Variants in MBIP observed in about 807,000 individuals in gnomAD.
The protein encoded by MBIP is MAP3K12 binding inhibitory protein 1, also known as MAP3K12-binding inhibitory protein 1.
Under a neutral mutation model 45.7 loss-of-function variants are expected in MBIP, and 32 were observed. The ratio of observed to expected loss-of-function variants is 0.70; its 90% CI spans 0.53 to 0.94. MBIP has a LOEUF of 0.94. Among genes scored for constraint, MBIP ranks in the 40% least tolerant of loss-of-function variants. MBIP has a pLI of 0.00. For synonymous variants in MBIP, 145 were observed against 141.0 expected, an observed-to-expected ratio of 1.03 and a Z score of -0.20; for missense variants, 381 against 405.5, an observed-to-expected ratio of 0.94 and a Z score of 0.52.
rs768498460 is a variant in MBIP, at chr14:36,309,435, G to A, written c.791-1246C>T. 5.3e-5 allele frequency among the ~76,000 whole-genome samples: 8 copies of A among 152,174 alleles called. No individual in the cohort carries two copies. The South Asian group carries it at 1.2e-3, about 24-fold the overall frequency. ...CACTGCACAAACCTAGGAAGCATCA[G>A]TTCATAAGACTACAATGCATGGCAA... On this transcript the variant is annotated intron_variant, in intron 6 of 8. Coordinates refer to ENST00000416007, the MANE Select transcript of MBIP (RefSeq NM_016586.3).
intron 7 of MBIP, among the ~76,000 whole-genome samples, chr14:36,301,324 C>G (rs1339397430): frequency 2.0e-5 from 3 of 152,196 alleles, no homozygotes; most frequent in South Asian, 2.1e-4. Flanking sequence ...TCCACTACTT[C>G]TCTGTGTGGC....
rs1259580669 is a variant in MBIP, at chr14:36,298,677, G to C, written c.*406C>G. 1 of 154,562 alleles carries C rather than the reference G, an allele frequency of 6.5e-6. No individual in the cohort carries two copies. Among genetic ancestry groups the C allele is most frequent in the East Asian group, 1.9e-4 (1 of 5,254 alleles). The allele number at this position is 154,562 out of a possible 1,614,324, so 9.6% of individuals were successfully genotyped here. On this transcript the variant is annotated 3_prime_UTR_variant, in exon 9 of 9. Transcript: ENST00000416007. Reference sequence around the variant, plus strand: ...TTCAGTCAATAAATTTTTGTTGAATGCTTATTATATGCAAAGTACTGATTT... The same window carrying C: ...TTCAGTCAATAAATTTTTGTTGAATCCTTATTATATGCAAAGTACTGATTT...
At chr14:36,307,951 C>A in intron 7 of MBIP, 141 bp downstream of exon 7, 1 of 483,654 alleles carries the variant, frequency 2.1e-6, no homozygotes, top group Non-Finnish European at 3.6e-6. Context: ...TTAGATATAT[C>A]CCCTATACAG....
intron 4 of MBIP, 106 bp from the exon 5 acceptor site, chr14:36,312,130 A>T (rs1252675496): frequency 9.2e-6 from 5 of 545,482 alleles, no homozygotes; most frequent in Non-Finnish European, 1.5e-5. Context: ...ACTCATAATA[A>T]TTTTAATAAA....
chr14:36,317,840 T>C (rs1449328366), intron 1 of MBIP, among the ~76,000 whole-genome samples: 4 of 152,054 alleles, frequency 2.6e-5, no homozygotes, highest in Non-Finnish European at 4.4e-5. Context: ...ATACAGATTT[T>C]ATGAGTCACA....
chr14:36,314,503 G>A lies in MBIP; in HGVS notation c.571+9C>T, dbSNP rs1880424444. 6.4e-7 allele frequency: 1 copy of A among 1,564,206 alleles called. No individual in the cohort carries two copies. Among genetic ancestry groups the A allele is most frequent in the Non-Finnish European group, 8.7e-7 (1 of 1,147,372 alleles). On this transcript the variant is annotated intron_variant, in intron 4 of 8. Coordinates refer to ENST00000416007, the MANE Select transcript of MBIP (RefSeq NM_016586.3). ...AAAACCCTATGAAAATTAATTTCCA[G>A]GTAGTTACCTTGATTACAATCAATA...
rs775546253 is a variant in MBIP, at chr14:36,314,562, AT to A, written c.520del (p.Ile174SerfsTer38). 128 of 1,610,904 alleles carry A rather than the reference AT, an allele frequency of 7.9e-5. No individual in the cohort carries two copies. Among genetic ancestry groups the A allele is most frequent in the Non-Finnish European group, 1.0e-4 (123 of 1,178,992 alleles). ...AAATTCCCTGACGTTGTTTTCATTG[AT>A]TTCAGCTTGCTTTCTTTCAATAAAT... ...SAFIERKQAE[I>X]NENNVREFCN... On this transcript the variant is annotated frameshift_variant, in exon 4 of 9. Coordinates refer to ENST00000416007, the MANE Select transcript of MBIP (RefSeq NM_016586.3). LOFTEE classifies it high-confidence loss of function.
intron 2 of MBIP, among the ~76,000 whole-genome samples, chr14:36,315,634 A>G (rs1395392455): frequency 1.3e-5 from 2 of 151,956 alleles, no homozygotes; most frequent in East Asian, 1.9e-4. Flanking sequence ...AATTTAAACT[A>G]TATTACTCAT....
intron 8 of MBIP, among the ~76,000 whole-genome samples, chr14:36,299,912 AAG>A (rs996550394): frequency 6.6e-6 from 1 of 152,088 alleles, no homozygotes; most frequent in African/African-American, 2.4e-5. Flanking sequence ...TTAGGGGGTA[AAG>A]AGAAGGGGAA....
intron 1 of MBIP, 25 bp from the exon 2 acceptor site, chr14:36,316,837 T>A: frequency 6.3e-7 from 1 of 1,587,100 alleles, no homozygotes; most frequent in Non-Finnish European, 8.6e-7. Flanking sequence ...ACCAGCAACA[T>A]CACAAAAATT....
intron 7 of MBIP, 114 bp from the exon 8 acceptor site, chr14:36,300,937 C>A: frequency 1.6e-6 from 1 of 612,510 alleles, no homozygotes; most frequent in Non-Finnish European, 2.8e-6. Flanking sequence ...GAAAAAAAAC[C>A]AACCAATTTA....
At chr14:36,318,449 A>G (rs1399087191) in intron 1 of MBIP, among the ~76,000 whole-genome samples, 2 of 151,992 alleles carry the variant, frequency 1.3e-5, no homozygotes, top group African/African-American at 4.8e-5. Flanking sequence ...CATTCAACAA[A>G]TTCATTATTA....
At chr14:36,312,381 T>C (rs2139224147) in intron 4 of MBIP, among the ~76,000 whole-genome samples, 1 of 152,272 alleles carries the variant, frequency 6.6e-6, no homozygotes, top group East Asian at 1.9e-4. Context: ...GAAATAAAAC[T>C]CATCATTTTT....
Position 36,314,511 on chromosome 14 carries a change from C to T in MBIP, c.571+1G>A. The stretch of plus-strand genomic sequence containing the variant: ...ATGAAAATTAATTTCCAGGTAGTTA[C>T]CTTGATTACAATCAATAACATTGCA... On this transcript the variant is annotated splice_donor_variant, in intron 4 of 8. Transcript: ENST00000416007. LOFTEE classifies it high-confidence loss of function. The T allele has an allele frequency of 1.3e-6, 2 of 1,593,798 alleles. No homozygotes were observed. Among genetic ancestry groups the T allele is most frequent in the East Asian group, 2.2e-5 (1 of 44,664 alleles).
chr14:36,319,562 G>A, intron 1 of MBIP: 1 of 441,616 alleles, frequency 2.3e-6, no homozygotes, highest in Non-Finnish European at 4.5e-6. Context: ...TCAGACAAAT[G>A]TTCTATTTTC....
chr14:36,316,266 C>G (rs549091328), intron 2 of MBIP, among the ~76,000 whole-genome samples: 101 of 152,154 alleles, frequency 6.6e-4, no homozygotes, highest in Admixed American at 7.2e-4. Context: ...TGTTTAATTG[C>G]AATAGACACT....
At chr14:36,302,491 TAA>T (rs377221159) in intron 7 of MBIP, among the ~76,000 whole-genome samples, 6,982 of 100,074 alleles carry the variant, frequency 0.07, 388 homozygotes, top group African/African-American at 0.14. Flanking sequence ...GACACCATCT[TAA>T]AAAAAAAAAA....
At chr14:36,299,334 T>C in intron 8 of MBIP, 144 bp from the exon 9 acceptor site, 1 of 587,356 alleles carries the variant, frequency 1.7e-6, no homozygotes, top group Non-Finnish European at 3.0e-6. Context: ...ATCTTAAAAC[T>C]GAGCAACTAT....
chr14:36,310,321 C>T (rs1435654073), intron 6 of MBIP, among the ~76,000 whole-genome samples: 3 of 152,106 alleles, frequency 2.0e-5, no homozygotes, highest in East Asian at 3.9e-4. Context: ...ATCTCCTGAA[C>T]CATATTTTGT....
Sources: gnomAD v4.1 joint callset for allele counts (sites outside exome capture counted in the v4.1 genomes callset) on GRCh38, gnomAD v4.1.1 for gene constraint, MANE v1.5 for transcripts, NCBI Gene and HGNC (gene_info 2026-07-23, HGNC 2026-07-21) for gene names.